The following CHD7 variants were observed in gnomAD, a reference collection of about 807,000 sequenced individuals.
The protein encoded by CHD7 is ATP-dependent chromatin remodeler CHD7.
In CHD7, 24 loss-of-function variants were observed where a neutral mutation model predicts 307.3. That is an observed-to-expected ratio of 0.08 (90% CI 0.06 to 0.11). CHD7 has a LOEUF of 0.11. Ranked by LOEUF, CHD7 falls within the 10% of genes least tolerant of loss-of-function variation. The pLI, the probability that CHD7 is intolerant of heterozygous loss-of-function variation, is 1.00. For synonymous variants in CHD7, 1,363 were observed against 1,349.9 expected (o/e 1.01, Z -0.21); for missense variants, 3,106 against 3,727.1 (o/e 0.83, Z 4.34).
chr8:60,762,368 C>T (rs141488305), intron 2 of CHD7, among the ~76,000 whole-genome samples: 10 of 152,298 alleles, frequency 6.6e-5, no homozygotes, highest in Middle Eastern at 3.4e-3. Context: ...GTCTTGCTGT[C>T]TCTGTTACGA....
At chr8:60,848,942 C>G in intron 24 of CHD7, 109 bp from the exon 25 acceptor site, 1 of 894,738 alleles carries the variant, frequency 1.1e-6, no homozygotes, top group Non-Finnish European at 1.8e-6. Context: ...TACCTCCCCA[C>G]CATGCTCAGA....
rs1257308620 is a variant in CHD7 at position 60,866,196 on chromosome 8, C to T, written c.*263C>T. The T allele has an allele frequency of 2.8e-5, 9 of 315,932 alleles. No individual in the cohort carries two copies. Among genetic ancestry groups the T allele is most frequent in the Non-Finnish European group, 3.5e-5 (6 of 172,634 alleles). 19.6% of individuals were successfully genotyped at this position (315,932 alleles called of 1,614,324 possible). A position where few individuals can be genotyped will look rare whatever the true frequency, so the allele number is the denominator to read the frequency against. ...TTTTTAAGGAAACTTACATAATGCT[C>T]TGCTTTTTTTTTTTCTCTTGGTACC... On this transcript the variant is annotated 3_prime_UTR_variant, in exon 38 of 38. Transcript: ENST00000423902.
chr8:60,795,173 G>T, intron 4 of CHD7, 46 bp downstream of exon 4: 1 of 1,584,076 alleles, frequency 6.3e-7, no homozygotes, highest in Non-Finnish European at 8.6e-7. Flanking sequence ...TTTGGCATGG[G>T]TAACTTTAGC....
chr8:60,845,223 C>CTAA, intron 22 of CHD7, 27 bp from the exon 23 acceptor site: 1 of 1,596,512 alleles, frequency 6.3e-7, no homozygotes, highest in Non-Finnish European at 8.5e-7. Context: ...TAAAAGGCTT[C>CTAA]TATTATTATT....
At position 60,861,124 on chromosome 8, in the gene CHD7, C is replaced by A; in HGVS notation, c.7829C>A (p.Pro2610Gln). ...ACTGTTGATATGCCAAGTTATGTAC[C>A]AGTGAGTATTGCAGAGTTTAGAGTT... The part of the protein sequence containing the change: ...TYTVDMPSYV[P>Q]KNADVLFSSF... The change falls in exon 35 of 38, where the codon CCA becomes CAA. Residue 2610 changes from proline to glutamine, a missense_variant and splice_region_variant. Around this residue, in one of 10 missense-constraint regions of CHD7, gnomAD observed 1,030 missense variants for 1,165.4 expected, o/e 0.88. Coordinates refer to ENST00000423902, the MANE Select transcript of CHD7 (RefSeq NM_017780.4). 6.4e-7 allele frequency: 1 copy of A among 1,574,360 alleles called. No homozygotes were observed. Among genetic ancestry groups the A allele is most frequent in the Non-Finnish European group, 8.6e-7 (1 of 1,159,728 alleles).
At chr8:60,709,985 A>AT (rs1322149468) in intron 1 of CHD7, among the ~76,000 whole-genome samples, 1 of 151,824 alleles carries the variant, frequency 6.6e-6, no homozygotes, top group Non-Finnish European at 1.5e-5. Flanking sequence ...GAATACTTTT[A>AT]TTTTTTTAAA....
At chr8:60,761,516 C>T (rs989235859) in intron 2 of CHD7, among the ~76,000 whole-genome samples, 2 of 151,932 alleles carry the variant, frequency 1.3e-5, no homozygotes, top group Non-Finnish European at 2.9e-5. Flanking sequence ...AATATATTCC[C>T]AGTTCCACCG....
At chr8:60,855,571 A>G (rs570005980) in intron 32 of CHD7, among the ~76,000 whole-genome samples, 5 of 152,350 alleles carry the variant, frequency 3.3e-5, no homozygotes, top group African/African-American at 1.2e-4. Context: ...CTGAAGGGCC[A>G]GGGCGGCAAG....
chr8:60,863,523 C>T lies in CHD7; in HGVS notation c.8076+871C>T, dbSNP rs1329283532. The T allele has an allele frequency of 2.0e-5, 3 of 152,058 alleles. No homozygotes were observed. In the East Asian group the frequency reaches 5.8e-4, roughly 29 times the overall value. The allele number at this position is 152,058 out of a possible 1,614,324, so 9.4% of individuals were successfully genotyped here. On this transcript the variant is annotated intron_variant, in intron 37 of 37. Transcript: ENST00000423902. ...ATTTTTGAAACTATGATTAGAGCTG[C>T]TATAAGCAATTGTGTACAGGTTTTG... is the stretch of plus-strand genomic sequence containing the variant.
At chr8:60,684,154 C>T (rs1056208488) in intron 1 of CHD7, among the ~76,000 whole-genome samples, 5 of 152,032 alleles carry the variant, frequency 3.3e-5, no homozygotes, top group East Asian at 1.9e-4. Flanking sequence ...TAAAAAATAA[C>T]GTAGGTATTT....
rs1809104771 is a variant in CHD7, at chr8:60,742,643, A to G, written c.1211A>G (p.Asn404Ser). The G allele has an allele frequency of 1.2e-6, 2 of 1,611,470 alleles. No homozygotes were observed. Among genetic ancestry groups the G allele is most frequent in the Non-Finnish European group, 1.7e-6 (2 of 1,178,120 alleles). The change falls in exon 2 of 38, where the codon AAT becomes AGT. Residue 404 changes from asparagine (N) to serine (S), a missense_variant. Transcript: ENST00000423902. The part of the protein sequence containing the change: ...PPMSPMKAMS[N>S]PAGTPPPQVR... ...ATGTCACCCATGAAAGCAATGAGTA[A>G]TCCAGCAGGCACTCCTCCTCCACAA...
chr8:60,705,230 A>G (rs111328164), intron 1 of CHD7, among the ~76,000 whole-genome samples: 4 of 152,312 alleles, frequency 2.6e-5, no homozygotes, highest in African/African-American at 9.6e-5. Context: ...GGCAGGAGGA[A>G]TGGATGGGTA....
intron 1 of CHD7, among the ~76,000 whole-genome samples, chr8:60,702,209 A>G (rs1431732025): frequency 6.6e-6 from 1 of 152,182 alleles, no homozygotes; most frequent in Non-Finnish European, 1.5e-5. Flanking sequence ...GTATGATGCA[A>G]AGCCCCTAGC....
chr8:60,802,375 A>C (rs561198972), intron 6 of CHD7, among the ~76,000 whole-genome samples: 1 of 152,240 alleles, frequency 6.6e-6, no homozygotes, highest in Non-Finnish European at 1.5e-5. Flanking sequence ...TAGGTATTAC[A>C]ACATGCAGTT....
At chr8:60,835,335 G>C (rs1307665683) in intron 15 of CHD7, among the ~76,000 whole-genome samples, 2 of 152,160 alleles carry the variant, frequency 1.3e-5, no homozygotes. Flanking sequence ...ATCCATGTGG[G>C]GGAAAAGAAG....
At chr8:60,705,290 C>T (rs72650452) in intron 1 of CHD7, among the ~76,000 whole-genome samples, 17,073 of 152,166 alleles carry the variant, frequency 0.11, 1,358 homozygotes, top group East Asian at 0.33. Context: ...CCACAGTTAG[C>T]TATCAGAGGG....
chr8:60,824,384 A>AT (rs1804177608), intron 13 of CHD7: 1 of 293,956 alleles, frequency 3.4e-6, no homozygotes, highest in East Asian at 5.8e-5. Context: ...TCATTGGAGC[A>AT]TTTTGGATTT....
chr8:60,823,922 G>A lies in CHD7; in HGVS notation c.3284G>A (p.Arg1095Gln). 1.9e-6 allele frequency: 3 copies of A among 1,613,854 alleles called. No individual in the cohort carries two copies. Among genetic ancestry groups the A allele is most frequent in the Non-Finnish European group, 2.5e-6 (3 of 1,179,820 alleles). The change falls in exon 13 of 38, where the codon CGG (arginine) becomes CAG (glutamine). Residue 1095 changes from arginine to glutamine, a missense_variant. By Grantham distance (43) the Arg-to-Gln change is conservative. Around this residue, in one of 10 missense-constraint regions of CHD7, gnomAD observed 232 missense variants for 422.5 expected, o/e 0.55. Transcript: ENST00000423902. ...ATTTTGACTGATTGTCCTGAGCTGC[G>A]GAATATTCCATGGCGCTGTGTAGTC... ...EMILTDCPEL[R>Q]NIPWRCVVID...
At chr8:60,728,944 T>C (rs895634594) in intron 1 of CHD7, among the ~76,000 whole-genome samples, 3 of 152,172 alleles carry the variant, frequency 2.0e-5, no homozygotes, top group Non-Finnish European at 2.9e-5. Context: ...CCAATAGTTA[T>C]CTTTTCTGTT....
Sources: allele counts gnomAD v4.1 joint callset (sites outside exome capture counted in the v4.1 genomes callset), GRCh38; gene constraint gnomAD v4.1.1; regional missense constraint gnomAD v4.1.1; transcripts MANE v1.5; gene names NCBI Gene and HGNC (gene_info 2026-07-23, HGNC 2026-07-21).